LRP1B: variants seen among roughly 807,000 people sequenced by gnomAD.
LRP1B encodes the protein LDL receptor related protein 1B.
A neutral mutation model predicts 556.6 loss-of-function variants in LRP1B; 217 were observed. The ratio of observed to expected loss-of-function variants is 0.39; its 90% CI spans 0.35 to 0.44. The LOEUF is 0.44. Among genes scored for constraint, LRP1B ranks in the 20% least tolerant of loss-of-function variants. The probability of loss-of-function intolerance (pLI) is 1.00; values close to 1 mark genes in which losing one functional copy is unlikely to be tolerated. For synonymous variants in LRP1B, 2,047 were observed against 1,865.8 expected, an observed-to-expected ratio of 1.10 and a Z score of -2.50; for missense variants, 5,053 against 5,620.8, an observed-to-expected ratio of 0.90 and a Z score of 3.23.
At chr2:141,628,281 T>C (rs895194830) in intron 2 of LRP1B, among the ~76,000 whole-genome samples, 2 of 152,172 alleles carry the variant, frequency 1.3e-5, no homozygotes, top group Non-Finnish European at 2.9e-5. Context: ...GATGGATTAA[T>C]AGAGATGAAG....
intron 53 of LRP1B, 60 bp from the exon 54 acceptor site, chr2:140,503,163 TCTC>T (rs2104897039): frequency 1.4e-6 from 2 of 1,467,162 alleles, no homozygotes; most frequent in Non-Finnish European, 1.9e-6. Context: ...TGAAACGTCA[TCTC>T]CTCAATGTAC....
chr2:140,258,724 G>A lies in LRP1B; in HGVS notation c.13247+11518C>T, dbSNP rs369580402. On this transcript the variant is annotated intron_variant, in intron 86 of 90. Transcript: ENST00000389484. ...GAGACAGATGTCATTAGCAATTTCC[G>A]TATTAAGATGAGAAAAGAGGTTCAG... 2.8e-3 allele frequency among the ~76,000 whole-genome samples: 420 copies of A among 152,100 alleles called. 2 individuals carry two copies. Among genetic ancestry groups the A allele is most frequent in the African/African-American group, 9.3e-3 (385 of 41,506 alleles).
chr2:141,033,821 C>A (rs1220951158), intron 11 of LRP1B, among the ~76,000 whole-genome samples: 5 of 152,132 alleles, frequency 3.3e-5, no homozygotes, highest in Admixed American at 1.3e-4. Flanking sequence ...GAACTGTGAA[C>A]AATAAATGTT....
In LRP1B at chr2:141,512,226, C is replaced by T. The variant is rs547231196; in HGVS notation, c.206-31693G>A. Among the ~76,000 whole-genome samples, 125 of 152,250 alleles carry T rather than the reference C, an allele frequency of 8.2e-4. 1 individual carries two copies. The highest frequency in any genetic ancestry group is 2.9e-3 in the African/African-American group (120 of 41,564). On this transcript the variant is annotated intron_variant, in intron 2 of 90. Transcript: ENST00000389484. ...CCTTCGCCATGTATTATGAACTGCA[C>T]TAAGTACTTCATACAACAGTTCGGG... is the stretch of plus-strand genomic sequence containing the variant.
intron 79 of LRP1B, among the ~76,000 whole-genome samples, chr2:140,326,693 CT>C (rs1184201314): frequency 2.0e-5 from 3 of 146,810 alleles, no homozygotes; most frequent in East Asian, 3.9e-4. Flanking sequence ...GTGAGACCCC[CT>C]GCCTCAAAAA....
intron 2 of LRP1B, among the ~76,000 whole-genome samples, chr2:141,639,363 C>CACACACAT (rs1458252676): frequency 5.5e-4 from 36 of 66,034 alleles, no homozygotes; most frequent in Non-Finnish European, 9.7e-4. Flanking sequence ...CACACACACA[C>CACACACAT]ATATATATAT....
intron 2 of LRP1B, among the ~76,000 whole-genome samples, chr2:141,537,463 A>C (rs533835949): frequency 6.6e-6 from 1 of 152,254 alleles, no homozygotes; most frequent in Admixed American, 6.5e-5. Flanking sequence ...GACTTTAAAA[A>C]GGAAAAATGG....
intron 3 of LRP1B, among the ~76,000 whole-genome samples, chr2:141,278,914 C>A (rs1335588890): frequency 6.6e-6 from 1 of 152,134 alleles, no homozygotes; most frequent in African/African-American, 2.4e-5. Context: ...ATTGCACAGG[C>A]AGAATACACA....
intron 41 of LRP1B, among the ~76,000 whole-genome samples, chr2:140,686,913 C>T (rs931708990): frequency 6.6e-6 from 1 of 151,500 alleles, no homozygotes; most frequent in African/African-American, 2.4e-5. Flanking sequence ...ATCTTTTGGT[C>T]CAAGTTTGGT....
intron 3 of LRP1B, among the ~76,000 whole-genome samples, chr2:141,416,388 G>A (rs1691100955): frequency 6.6e-6 from 1 of 150,438 alleles, no homozygotes; most frequent in Admixed American, 6.6e-5. Flanking sequence ...ATTTAGGCAA[G>A]ACATAAGCTG....
intron 3 of LRP1B, among the ~76,000 whole-genome samples, chr2:141,367,768 T>C (rs897286592): frequency 1.3e-5 from 2 of 152,044 alleles, no homozygotes; most frequent in Admixed American, 1.3e-4. Context: ...ATTACAAGCA[T>C]GAGCCACCGT....
chr2:140,962,876 C>T (rs537911471), intron 18 of LRP1B, among the ~76,000 whole-genome samples: 6 of 152,156 alleles, frequency 3.9e-5, no homozygotes, highest in Non-Finnish European at 7.3e-5. Flanking sequence ...AGAGAAAATG[C>T]TGCTATGGCT....
chr2:142,113,482 T>C (rs1291633406), intron 1 of LRP1B, among the ~76,000 whole-genome samples: 1 of 90,008 alleles, frequency 1.1e-5, no homozygotes, highest in East Asian at 3.5e-4. Context: ...ACCTTTACAG[T>C]TGCCACAAAA....
At chr2:141,507,168 G>A (rs1013186276) in intron 2 of LRP1B, among the ~76,000 whole-genome samples, 1 of 152,036 alleles carries the variant, frequency 6.6e-6, no homozygotes, top group African/African-American at 2.4e-5. Flanking sequence ...TGCCTAAAAT[G>A]TTTAACAATG....
chr2:141,688,354 C>T (rs1463880347), intron 2 of LRP1B, among the ~76,000 whole-genome samples: 1 of 151,852 alleles, frequency 6.6e-6, no homozygotes, highest in Non-Finnish European at 1.5e-5. Context: ...TATGGACTTA[C>T]ACATGTGATC....
chr2:141,843,872 GTATGCTC>G (rs1367339720), intron 1 of LRP1B, among the ~76,000 whole-genome samples: 1 of 152,072 alleles, frequency 6.6e-6, no homozygotes, highest in Admixed American at 6.6e-5. Context: ...AGGCAATGGT[GTATGCTC>G]TTCACCTCAT....
intron 1 of LRP1B, among the ~76,000 whole-genome samples, chr2:142,017,070 T>C (rs906586785): frequency 2.0e-5 from 3 of 151,870 alleles, no homozygotes; most frequent in African/African-American, 7.3e-5. Flanking sequence ...GATGGCTTTG[T>C]TATGCTAGGA....
At chr2:140,494,443 T>C (rs966365923) in intron 56 of LRP1B, among the ~76,000 whole-genome samples, 1 of 151,732 alleles carries the variant, frequency 6.6e-6, no homozygotes. Flanking sequence ...CTACTGAAAA[T>C]ACAAAAACAA....
intron 6 of LRP1B, among the ~76,000 whole-genome samples, chr2:141,212,602 T>C (rs1682614901): frequency 6.6e-6 from 1 of 151,490 alleles, no homozygotes; most frequent in Non-Finnish European, 1.5e-5. Flanking sequence ...AGATTCTAAA[T>C]AGCAAAAAAA....
Sources: allele counts gnomAD v4.1 joint callset (sites outside exome capture counted in the v4.1 genomes callset), GRCh38; gene constraint gnomAD v4.1.1; transcripts MANE v1.5; gene names NCBI Gene and HGNC (gene_info 2026-07-23, HGNC 2026-07-21).